The following AK6 variants were observed in gnomAD, a reference collection of about 807,000 sequenced individuals.
AK6 encodes adenylate kinase isoenzyme 6.
Under a neutral mutation model 23.7 loss-of-function variants are expected in AK6, and 24 were observed. That is an observed-to-expected ratio of 1.01 (90% confidence interval 0.73 to 1.43). AK6 has a LOEUF of 1.43. AK6 is among the 40% of genes most tolerant of loss of function. The pLI is 0.00. For missense variants in AK6, 191 were observed against 199.1 expected (o/e 0.96, Z 0.24); for synonymous variants, 73 against 69.8 (o/e 1.05, Z -0.23).
chr5:69,365,708 C>T (rs1356373548), intron 2 of AK6: 1 of 1,570,134 alleles, frequency 6.4e-7, no homozygotes, highest in Non-Finnish European at 8.6e-7. Context: ...TCGGCATGCT[C>T]TTGGGAGAAG....
intron 2 of AK6, among the ~76,000 whole-genome samples, chr5:69,359,228 T>G (rs1199532529): frequency 6.7e-6 from 1 of 150,244 alleles, no homozygotes; most frequent in Non-Finnish European, 1.5e-5. Flanking sequence ...ATACCTTGTC[T>G]CAAAAAAAAA....
intron 2 of AK6, among the ~76,000 whole-genome samples, chr5:69,360,680 A>G (rs1291090100): frequency 6.6e-6 from 1 of 152,202 alleles, no homozygotes; most frequent in Non-Finnish European, 1.5e-5. Context: ...GAGCAGTGTC[A>G]GAGAGGTCAA....
At chr5:69,364,598 G>C in intron 2 of AK6, 1 of 350,480 alleles carries the variant, frequency 2.9e-6, no homozygotes, top group South Asian at 3.5e-5. Flanking sequence ...TATGATCTAT[G>C]TATCTGAAGA....
intron 1 of AK6, among the ~76,000 whole-genome samples, chr5:69,367,376 G>A (rs1762480780): frequency 6.6e-6 from 1 of 151,666 alleles, no homozygotes; most frequent in Non-Finnish European, 1.5e-5. Context: ...CGGGCGTGGT[G>A]GCGCGTGCCT....
Position 69,369,517 on chromosome 5 carries a change from C to A in AK6, c.-27G>T, listed in dbSNP as rs200813638. 1 of 1,611,326 alleles carries A rather than the reference C, an allele frequency of 6.2e-7. No homozygotes were observed. The highest frequency in any genetic ancestry group is 1.1e-5 in the South Asian group (1 of 90,890). The stretch of plus-strand genomic sequence containing the variant: ...GTCCCCGCCGCGACGGCTTCGGGCG[C>A]CTCGCTCACGTGCCCTTTGCTCTAC... On this transcript the variant is annotated 5_prime_UTR_variant, in exon 1 of 5. Coordinates refer to ENST00000380822, the MANE Select transcript of AK6 (RefSeq NM_016283.5).
intron 2 of AK6, among the ~76,000 whole-genome samples, chr5:69,358,020 G>A (rs1762126705): frequency 6.6e-6 from 1 of 152,050 alleles, no homozygotes; most frequent in South Asian, 2.1e-4. Flanking sequence ...AACACAAAAA[G>A]CAGAATTCAA....
chr5:69,360,192 G>GA (rs1762193222), intron 2 of AK6, among the ~76,000 whole-genome samples: 1 of 152,210 alleles, frequency 6.6e-6, no homozygotes, highest in Admixed American at 6.5e-5. Flanking sequence ...TTAAGAAAAT[G>GA]ATAGTGTAGA....
intron 2 of AK6, chr5:69,365,630 T>A: frequency 1.2e-6 from 2 of 1,614,086 alleles, no homozygotes; most frequent in Non-Finnish European, 1.7e-6. Flanking sequence ...ACATCTGATT[T>A]ATAACTCTTG....
chr5:69,353,459 A>G (rs1243008996), intron 4 of AK6, among the ~76,000 whole-genome samples: 2 of 151,662 alleles, frequency 1.3e-5, no homozygotes, highest in Non-Finnish European at 2.9e-5. Context: ...CACCACGCCC[A>G]GCTAATCTTT....
intron 2 of AK6, among the ~76,000 whole-genome samples, chr5:69,361,674 G>A (rs1344594174): frequency 6.7e-6 from 1 of 150,016 alleles, no homozygotes; most frequent in East Asian, 2.0e-4. Context: ...GTGTGATCTC[G>A]GGTCACCGCA....
intron 2 of AK6, among the ~76,000 whole-genome samples, chr5:69,363,133 C>T (rs1341190774): frequency 4.9e-4 from 74 of 151,970 alleles, no homozygotes; most frequent in Non-Finnish European, 1.5e-5. Context: ...GAGGCTGAGG[C>T]AGGATGATCA....
intron 1 of AK6, chr5:69,368,916 A>C (rs1336528623): frequency 2.0e-5 from 3 of 153,240 alleles, no homozygotes; most frequent in African/African-American, 7.2e-5. Context: ...GGATCCTTTG[A>C]TGTAACTCAA....
At chr5:69,364,649 T>C (rs1762340041) in intron 2 of AK6, 2 of 498,152 alleles carry the variant, frequency 4.0e-6, no homozygotes, top group African/African-American at 1.9e-5. Flanking sequence ...TAGACTGCAG[T>C]ACTGCAAATT....
chr5:69,357,945 T>C (rs1762124497), intron 2 of AK6, among the ~76,000 whole-genome samples: 1 of 152,142 alleles, frequency 6.6e-6, no homozygotes, highest in Non-Finnish European at 1.5e-5. Flanking sequence ...GTTAACATAG[T>C]TTAAAAATAC....
chr5:69,356,800 A>C (rs1160136787), intron 2 of AK6, among the ~76,000 whole-genome samples: 3 of 152,248 alleles, frequency 2.0e-5, no homozygotes, highest in Non-Finnish European at 4.4e-5. Flanking sequence ...CCAGTATTCC[A>C]AACTGCCGTT....
intron 2 of AK6, among the ~76,000 whole-genome samples, chr5:69,361,010 A>G (rs1184608906): frequency 6.6e-6 from 1 of 152,222 alleles, no homozygotes; most frequent in Non-Finnish European, 1.5e-5. Context: ...ACAGAGGCCG[A>G]AGACCGAAAA....
chr5:69,353,514 T>C (rs1483237615), intron 4 of AK6, among the ~76,000 whole-genome samples: 1 of 152,066 alleles, frequency 6.6e-6, no homozygotes, highest in Non-Finnish European at 1.5e-5. Context: ...GTCAGGCTGG[T>C]CTCGAACTCC....
chr5:69,364,092 A>T (rs1230821145), intron 2 of AK6, among the ~76,000 whole-genome samples: 3 of 152,168 alleles, frequency 2.0e-5, no homozygotes, highest in Non-Finnish European at 2.9e-5. Context: ...TGTCTCAGGA[A>T]ATAAAATAAA....
At chr5:69,358,157 G>C (rs1283056856) in intron 2 of AK6, among the ~76,000 whole-genome samples, 1 of 152,084 alleles carries the variant, frequency 6.6e-6, no homozygotes, top group Non-Finnish European at 1.5e-5. Flanking sequence ...ACCTATAGCT[G>C]ATTCTGTACT....
Sources: gnomAD v4.1 joint callset for allele counts (sites outside exome capture counted in the v4.1 genomes callset) on GRCh38, gnomAD v4.1.1 for gene constraint, MANE v1.5 for transcripts, NCBI Gene and HGNC (gene_info 2026-07-23, HGNC 2026-07-21) for gene names.